SLF2: variants seen among roughly 807,000 people sequenced by gnomAD.
The protein encoded by SLF2 is SMC5-SMC6 complex localization factor protein 2.
In SLF2, 68 loss-of-function variants were observed where a neutral mutation model predicts 124.3. The ratio of observed to expected loss-of-function variants is 0.55; its 90% confidence interval spans 0.45 to 0.67. SLF2 has a LOEUF of 0.67. Ranked by LOEUF, SLF2 falls within the 30% of genes least tolerant of loss-of-function variation. The pLI is 0.00. For synonymous variants in SLF2, 480 were observed against 478.8 expected (o/e 1.00, Z -0.03); for missense variants, 1,246 against 1,373.7 (o/e 0.91, Z 1.47).
intron 5 of SLF2, among the ~76,000 whole-genome samples, 182 bp from the exon 6 acceptor site, chr10:100,925,767 T>C (rs1056909575): frequency 6.6e-6 from 1 of 152,192 alleles, no homozygotes; most frequent in Non-Finnish European, 1.5e-5. Context: ...TAAAATCAAA[T>C]TGTCTGCAGT....
intron 15 of SLF2, among the ~76,000 whole-genome samples, chr10:100,949,645 G>A (rs1192891462): frequency 6.6e-6 from 1 of 151,728 alleles, no homozygotes; most frequent in Admixed American, 6.6e-5. Flanking sequence ...ACCCAGGCTG[G>A]AATGCAGTGG....
chr10:100,929,803 TATTG>T (rs745570565), intron 7 of SLF2, 23 bp from the exon 8 acceptor site: 8 of 1,528,070 alleles, frequency 5.2e-6, no homozygotes, highest in Admixed American at 2.2e-5. Flanking sequence ...AACAATTTGG[TATTG>T]ATTGACTTTT....
chr10:100,924,763 G>A lies in SLF2; in HGVS notation c.1762G>A (p.Ala588Thr). The change falls in exon 5 of 20, where the codon GCA becomes ACA. Residue 588 changes from alanine (A) to threonine (T), a missense_variant. Coordinates refer to ENST00000238961, the MANE Select transcript of SLF2 (RefSeq NM_018121.4). ...AGGAGAGAGTTCAGGAAATTCCAAT[G>A]CAGGTAGCAGTGCACTGAAAAGAAA... is the stretch of plus-strand genomic sequence containing the variant. ...SEGESSGNSN[A>T]GSSALKRKLR... is the part of the protein sequence containing the mutation. 2 of 1,614,176 alleles carry A rather than the reference G, an allele frequency of 1.2e-6. No individual in the cohort carries two copies. The highest frequency in any genetic ancestry group is 8.5e-7 in the Non-Finnish European group (1 of 1,180,032).
chr10:100,913,584 T>TA (rs1247069189), intron 1 of SLF2: 1 of 1,181,068 alleles, frequency 8.5e-7, no homozygotes. Flanking sequence ...TCGTTTTCTG[T>TA]ACGTTGTCAG....
intron 4 of SLF2, among the ~76,000 whole-genome samples, 171 bp downstream of exon 4, chr10:100,918,612 C>G (rs1849465968): frequency 6.6e-6 from 1 of 152,108 alleles, no homozygotes; most frequent in Admixed American, 6.5e-5. Flanking sequence ...GTCCCTGAAT[C>G]TAGTACTTAT....
chr10:100,923,555 C>T (rs766635658), intron 4 of SLF2, among the ~76,000 whole-genome samples: 1 of 151,682 alleles, frequency 6.6e-6, no homozygotes, highest in Non-Finnish European at 1.5e-5. Context: ...TATCTGCCTT[C>T]AAGTGTTTAT....
intron 17 of SLF2, 119 bp from the exon 18 acceptor site, chr10:100,956,332 A>G (rs2133830316): frequency 1.5e-6 from 1 of 683,906 alleles, no homozygotes; most frequent in African/African-American, 1.8e-5. Context: ...AGTTAATATC[A>G]GTCATTGCTA....
In SLF2 at chr10:100,964,665, G is replaced by A. The variant is rs921635945; in HGVS notation, c.*2753G>A. The stretch of plus-strand genomic sequence containing the variant: ...TACAAAATGGCGTGTTATCATCCAG[G>A]CTTAGTTGGAGTATTTGCATTTTTA... On this transcript the variant is annotated 3_prime_UTR_variant, in exon 20 of 20. Coordinates refer to ENST00000238961, the MANE Select transcript of SLF2 (RefSeq NM_018121.4). The A allele has an allele frequency of 9.2e-5, 14 of 152,726 alleles. No individual in the cohort carries two copies. The highest frequency in any genetic ancestry group is 3.1e-4 in the African/African-American group (13 of 41,554). 9.5% of individuals were successfully genotyped at this position (152,726 alleles called of 1,614,324 possible).
At chr10:100,930,946 A>G (rs1347255934) in intron 8 of SLF2, 30 bp from the exon 9 acceptor site, 1 of 1,543,826 alleles carries the variant, frequency 6.5e-7, no homozygotes, top group East Asian at 2.2e-5. Context: ...TGAAGTTAAT[A>G]GCCATGTTGA....
intron 19 of SLF2, 152 bp downstream of exon 19, chr10:100,959,648 A>AT (rs1000811646): frequency 7.7e-7 from 1 of 1,293,760 alleles, no homozygotes. Flanking sequence ...ATGGTTTGTA[A>AT]TTTTTTTAGT....
In SLF2 at chr10:100,954,355, CAT is replaced by C. The variant is rs146298284; in HGVS notation, c.3331-2094_3331-2093del. 4.4e-3 allele frequency among the ~76,000 whole-genome samples: 668 copies of C among 152,218 alleles called. 5 individuals are homozygous for C. Among genetic ancestry groups the C allele is most frequent in the African/African-American group, 0.015 (643 of 41,542 alleles). On this transcript the variant is annotated intron_variant, in intron 17 of 19. Transcript: ENST00000238961. ...AAACAGTATGTTTTTTGTGATTGCACATAGTGTTAATATGAACATGCTTATTC... is the reference window on the plus strand; with the variant it reads ...AAACAGTATGTTTTTTGTGATTGCACAGTGTTAATATGAACATGCTTATTC...
chr10:100,957,661 G>A (rs1850359023), intron 18 of SLF2, among the ~76,000 whole-genome samples: 1 of 151,850 alleles, frequency 6.6e-6, no homozygotes, highest in South Asian at 2.1e-4. Flanking sequence ...ACCCAGCCAG[G>A]AGTCTTCAAA....
intron 17 of SLF2, among the ~76,000 whole-genome samples, chr10:100,956,189 C>T (rs1223790587): frequency 2.0e-5 from 3 of 151,704 alleles, no homozygotes; most frequent in Non-Finnish European, 4.4e-5. Flanking sequence ...CCAGTTAGAG[C>T]TCTGGGGTTA....
In SLF2 at chr10:100,917,217, A is replaced by G; in HGVS notation, c.832A>G (p.Ser278Gly). Residue 278 changes from serine to glycine, a missense_variant, in exon 3 of 20, where the codon AGT becomes GGT. Physicochemically the swap from Ser to Gly is moderately conservative, Grantham distance 56 (BLOSUM62 0). Around this residue, in one of 3 missense-constraint regions of SLF2, gnomAD observed 698 missense variants for 708.9 expected, o/e 0.98. Coordinates refer to ENST00000238961, the MANE Select transcript of SLF2 (RefSeq NM_018121.4). ...AGCAAGCAGTCTTTCCTTAAAATCTAGTATAGAAAGAAAATATAAACCAAG... is the reference window on the plus strand; with the variant it reads ...AGCAAGCAGTCTTTCCTTAAAATCTGGTATAGAAAGAAAATATAAACCAAG... ...SEASSLSLKS[S>G]IERKYKPRQE... is the part of the protein sequence containing the mutation. 11 of 1,614,202 alleles carry G rather than the reference A, an allele frequency of 6.8e-6. No individual in the cohort carries two copies. The highest frequency in any genetic ancestry group is 9.3e-6 in the Non-Finnish European group (11 of 1,180,030).
At chr10:100,945,257 A>G in intron 12 of SLF2, 73 bp from the exon 13 acceptor site, 1 of 1,247,240 alleles carries the variant, frequency 8.0e-7, no homozygotes, top group Non-Finnish European at 1.1e-6. Context: ...TGTCAAAAAG[A>G]GTTTATAATT....
rs751251850 is a variant in SLF2, at chr10:100,956,553, CTTTT to C, written c.3417+20_3417+23del. The C allele has an allele frequency of 2.6e-5, 39 of 1,512,570 alleles. No homozygotes were observed. The Admixed American group carries it at 3.9e-4, about 15-fold the overall frequency. 93.7% of individuals were successfully genotyped at this position (1,512,570 alleles called of 1,614,324 possible). A position where few individuals can be genotyped will look rare whatever the true frequency, so the allele number is the denominator to read the frequency against. ...CAGAACTAAGGTAAGTGTGTTCTTTCTTTTTTTCTTTTTTTTTTTCTTAATCTTG... is the reference window on the plus strand; with the variant it reads ...CAGAACTAAGGTAAGTGTGTTCTTTCTTTCTTTTTTTTTTTCTTAATCTTG... On this transcript the variant is annotated intron_variant, in intron 18 of 19. Coordinates refer to ENST00000238961, the MANE Select transcript of SLF2 (RefSeq NM_018121.4).
intron 9 of SLF2, 126 bp from the exon 10 acceptor site, chr10:100,937,276 G>A (rs1006161778): frequency 5.9e-5 from 45 of 756,744 alleles, no homozygotes; most frequent in Middle Eastern, 3.0e-4. Context: ...CTCACAAAGT[G>A]CTAGGATTAC....
chr10:100,937,279 A>T, intron 9 of SLF2, 123 bp from the exon 10 acceptor site: 1 of 761,090 alleles, frequency 1.3e-6, no homozygotes, highest in Non-Finnish European at 2.3e-6. Context: ...ACAAAGTGCT[A>T]GGATTACAGG....
At chr10:100,946,978 G>T in intron 13 of SLF2, 61 bp from the exon 14 acceptor site, 1 of 1,274,152 alleles carries the variant, frequency 7.8e-7, no homozygotes, top group South Asian at 1.2e-5. Flanking sequence ...TAGATGATCT[G>T]TTGGGTGTTT....
Sources: allele counts gnomAD v4.1 joint callset (sites outside exome capture counted in the v4.1 genomes callset), GRCh38; gene constraint gnomAD v4.1.1; regional missense constraint gnomAD v4.1.1; transcripts MANE v1.5; gene names NCBI Gene and HGNC (gene_info 2026-07-23, HGNC 2026-07-21).